RMC1: variants seen among roughly 807,000 people sequenced by gnomAD.
RMC1 encodes the protein regulator of MON1-CCZ1 complex.
Under a neutral mutation model 95.5 loss-of-function variants are expected in RMC1, and 44 were observed. That is an observed-to-expected ratio of 0.46 (90% CI 0.36 to 0.59). The LOEUF is 0.59. Ranked by LOEUF, RMC1 falls within the 20% of genes least tolerant of loss-of-function variation. The pLI, the probability that RMC1 is intolerant of heterozygous loss-of-function variation, is 0.00. For synonymous variants in RMC1, 320 were observed against 303.6 expected, an observed-to-expected ratio of 1.05 and a Z score of -0.56; for missense variants, 705 against 819.6, an observed-to-expected ratio of 0.86 and a Z score of 1.71.
chr18:23,510,158 A>C (rs1185550077), intron 5 of RMC1, among the ~76,000 whole-genome samples: 7 of 151,820 alleles, frequency 4.6e-5, no homozygotes, highest in Admixed American at 2.0e-4. Context: ...TCCCATCTCT[A>C]TAAAAAATAC....
chr18:23,520,113 C>G, intron 9 of RMC1, 89 bp from the exon 10 acceptor site: 6 of 985,364 alleles, frequency 6.1e-6, no homozygotes, highest in Non-Finnish European at 9.6e-6. Flanking sequence ...GGCTTTTAAA[C>G]TGATTTAAAC....
chr18:23,520,086 G>A, intron 9 of RMC1, 116 bp from the exon 10 acceptor site: 1 of 732,092 alleles, frequency 1.4e-6, no homozygotes, highest in Non-Finnish European at 2.4e-6. Flanking sequence ...AGCCTGTAGG[G>A]AGGAAATGCA....
At chr18:23,523,704 A>G (rs2058211052) in intron 10 of RMC1, among the ~76,000 whole-genome samples, 1 of 152,194 alleles carries the variant, frequency 6.6e-6, no homozygotes, top group African/African-American at 2.4e-5. Flanking sequence ...CCTGGACAGC[A>G]GAGCAACACC....
At position 23,516,300 on chromosome 18, in the gene RMC1, A is replaced by G. The variant is rs2058003141; in HGVS notation, c.550-20A>G. On this transcript the variant is annotated intron_variant, in intron 6 of 19. Transcript: ENST00000269221. ...AAGGGGTTTAATAAGCTTTTCCTAA[A>G]ACATTTTCCCCCTAAACAGGCTGGC... The G allele has an allele frequency of 1.9e-6, 3 of 1,612,264 alleles. No homozygotes were observed. The highest frequency in any genetic ancestry group is 1.7e-5 in the Admixed American group (1 of 59,992).
intron 12 of RMC1, 71 bp from the exon 13 acceptor site, chr18:23,526,566 A>T: frequency 6.4e-7 from 1 of 1,570,190 alleles, no homozygotes; most frequent in Non-Finnish European, 8.6e-7. Flanking sequence ...GCAGATGTTT[A>T]GGGGAACCAC....
Position 23,515,963 on chromosome 18 carries a change from C to T in RMC1, c.516C>T (p.Val172=), listed in dbSNP as rs772893214. The change falls in exon 6 of 20, where the codon GTC becomes GTT. Residue 172 remains valine (V), a synonymous_variant. Transcript: ENST00000269221. ...ESAVILLSTT[V]LENVLQPFHF... Reference sequence around the variant, plus strand: ...CCGTGATCTTGCTGTCTACCACGGTCCTGGAGAATGTCCTGCAGCCTTTTC... The same window carrying T: ...CCGTGATCTTGCTGTCTACCACGGTTCTGGAGAATGTCCTGCAGCCTTTTC... 4.7e-5 allele frequency: 76 copies of T among 1,614,036 alleles called. No homozygotes were observed. In the Admixed American group the frequency reaches 1.2e-3, roughly 26 times the overall value.
intron 17 of RMC1, 25 bp downstream of exon 17, chr18:23,530,157 C>G: frequency 6.2e-7 from 1 of 1,613,556 alleles, no homozygotes. Flanking sequence ...ATTTTTACTT[C>G]CATTGTGGTT....
intron 12 of RMC1, among the ~76,000 whole-genome samples, chr18:23,525,322 A>C (rs2145252761): frequency 6.6e-6 from 1 of 152,212 alleles, no homozygotes; most frequent in African/African-American, 2.4e-5. Flanking sequence ...ATCTCAGCTT[A>C]CTGCAGCCTT....
At chr18:23,525,198 G>A (rs1025514710) in intron 12 of RMC1, among the ~76,000 whole-genome samples, 7 of 151,438 alleles carry the variant, frequency 4.6e-5, no homozygotes, top group South Asian at 2.1e-4. Context: ...CGCCTGCCTC[G>A]GCCTCCCAAA....
rs760887617 is a variant in RMC1, at chr18:23,529,584, C to G, written c.1417-51C>G. The G allele has an allele frequency of 1.8e-5, 26 of 1,485,318 alleles. No homozygotes were observed. The Admixed American group carries it at 4.4e-4, about 25-fold the overall frequency. The allele number at this position is 1,485,318 out of a possible 1,614,324, so 92.0% of individuals were successfully genotyped here. On this transcript the variant is annotated intron_variant, in intron 15 of 19. Coordinates refer to ENST00000269221, the MANE Select transcript of RMC1 (RefSeq NM_013326.5). Reference sequence around the variant, plus strand: ...GGGTTGGATAGAGAGTTATATGCAGCCTCTTTTGCACCTCGTTGGTATTTG... The same window carrying G: ...GGGTTGGATAGAGAGTTATATGCAGGCTCTTTTGCACCTCGTTGGTATTTG...
chr18:23,526,862 C>T (rs1184385316), intron 13 of RMC1, 97 bp downstream of exon 13: 11 of 1,477,394 alleles, frequency 7.4e-6, no homozygotes, highest in Non-Finnish European at 9.1e-6. Flanking sequence ...TGTGTCTTGT[C>T]TGTGACCCAC....
chr18:23,507,170 G>A (rs112473450), intron 3 of RMC1, 116 bp downstream of exon 3: 2 of 682,906 alleles, frequency 2.9e-6, no homozygotes, highest in Non-Finnish European at 4.9e-6. Context: ...GTTGTGAAAG[G>A]TATAGTTATG....
At chr18:23,530,703 CATTTTTGT>C in intron 19 of RMC1, 91 bp downstream of exon 19, 1 of 1,245,864 alleles carries the variant, frequency 8.0e-7, no homozygotes, top group Non-Finnish European at 1.1e-6. Context: ...CCTGGGTTAG[CATTTTTGT>C]AAACAACACA....
At chr18:23,516,182 G>A in intron 6 of RMC1, 138 bp from the exon 7 acceptor site, 1 of 1,300,664 alleles carries the variant, frequency 7.7e-7, no homozygotes, top group South Asian at 1.3e-5. Context: ...GGGCAGACAG[G>A]CTGTGAGAGG....
intron 13 of RMC1, 67 bp downstream of exon 13, chr18:23,526,832 C>A: frequency 6.4e-7 from 1 of 1,568,726 alleles, no homozygotes. Context: ...CACTTTTTAT[C>A]GGGATGTGGG....
chr18:23,527,079 C>A (rs2058319423), intron 13 of RMC1, among the ~76,000 whole-genome samples: 2 of 152,080 alleles, frequency 1.3e-5, no homozygotes, highest in Admixed American at 6.5e-5. Flanking sequence ...GCATATGTGT[C>A]TTCTTTAAGA....
At chr18:23,531,544 A>C in intron 19 of RMC1, 81 bp from the exon 20 acceptor site, 2 of 1,564,702 alleles carry the variant, frequency 1.3e-6, no homozygotes, top group Non-Finnish European at 1.7e-6. Context: ...GTTAAAACCC[A>C]GTAGACACAC....
chr18:23,526,563 T>A, intron 12 of RMC1, 74 bp from the exon 13 acceptor site: 2 of 1,566,390 alleles, frequency 1.3e-6, no homozygotes, highest in Non-Finnish European at 1.7e-6. Flanking sequence ...CCCGCAGATG[T>A]TTAGGGGAAC....
chr18:23,518,812 A>G (rs775806062), intron 7 of RMC1, 78 bp from the exon 8 acceptor site: 11 of 1,288,476 alleles, frequency 8.5e-6, no homozygotes, highest in Non-Finnish European at 1.1e-5. Flanking sequence ...CTTATAATTT[A>G]CTTAACCGTG....
Sources: allele counts gnomAD v4.1 joint callset (sites outside exome capture counted in the v4.1 genomes callset), GRCh38; gene constraint gnomAD v4.1.1; transcripts MANE v1.5; gene names NCBI Gene and HGNC (gene_info 2026-07-23, HGNC 2026-07-21).